The following EHHADH variants were observed in gnomAD, a reference collection of about 807,000 sequenced individuals.
EHHADH encodes the protein enoyl-CoA hydratase and 3-hydroxyacyl CoA dehydrogenase.
A neutral mutation model predicts 64.4 loss-of-function variants in EHHADH; 48 were observed. The observed-to-expected ratio is 0.75, with a 90% confidence interval of 0.59 to 0.95. The LOEUF is 0.95. Among genes scored for constraint, EHHADH ranks in the 40% least tolerant of loss-of-function variants. The pLI, the probability that EHHADH is intolerant of heterozygous loss-of-function variation, is 0.00. For synonymous variants in EHHADH, 308 were observed against 326.7 expected (o/e 0.94, Z 0.62); for missense variants, 854 against 876.6 (o/e 0.97, Z 0.33).
rs1365313154 is a variant in EHHADH at position 185,193,216 on chromosome 3, A to G, written c.1182T>C (p.Ala394=). 6.2e-7 allele frequency: 1 copy of G among 1,609,178 alleles called. No individual in the cohort carries two copies. Among genetic ancestry groups the G allele is most frequent in the East Asian group, 2.2e-5 (1 of 44,872 alleles). Residue 394 remains alanine, a synonymous_variant, in exon 7 of 7, where the codon GCT becomes GCC. Transcript: ENST00000231887. ...CTGGTTTGCACACAGCTGAGAGTTCAGCAAAGACCTGCTTCTTCAGGCTCA... is the reference window on the plus strand; with the variant it reads ...CTGGTTTGCACACAGCTGAGAGTTCGGCAAAGACCTGCTTCTTCAGGCTCA... ...EEMSLKKQVF[A]ELSAVCKPEA...
intron 6 of EHHADH, among the ~76,000 whole-genome samples, chr3:185,200,188 G>A (rs1397518835): frequency 6.6e-6 from 1 of 152,186 alleles, no homozygotes; most frequent in African/African-American, 2.4e-5. Context: ...CACTGTGGAT[G>A]AAAACAGCTT....
At position 185,251,681 on chromosome 3, in the gene EHHADH, C is replaced by T. The variant is rs139394606; in HGVS notation, c.74+2268G>A. Among the ~76,000 whole-genome samples the T allele has an allele frequency of 1.9e-3, 279 of 150,416 alleles. 1 individual carries two copies. Among genetic ancestry groups the T allele is most frequent in the African/African-American group, 6.3e-3 (256 of 40,812 alleles). ...AATCTCTCAATCAGCTAGGAGGAGA[C>T]GACTTCCCATATAAAATTAGAAATA... On this transcript the variant is annotated intron_variant, in intron 1 of 6. Transcript: ENST00000231887.
chr3:185,210,643 A>G (rs971165765), intron 5 of EHHADH, among the ~76,000 whole-genome samples: 9 of 151,970 alleles, frequency 5.9e-5, no homozygotes, highest in African/African-American at 2.2e-4. Context: ...TCAAAAAAAA[A>G]AAAAAAAAGG....
intron 5 of EHHADH, among the ~76,000 whole-genome samples, chr3:185,212,829 G>T (rs1235265272): frequency 2.0e-5 from 3 of 151,958 alleles, no homozygotes; most frequent in Non-Finnish European, 1.5e-5. Context: ...ATATCTTTAA[G>T]ACTATAGCAG....
At chr3:185,209,039 G>A (rs1052047446) in intron 5 of EHHADH, among the ~76,000 whole-genome samples, 1 of 152,186 alleles carries the variant, frequency 6.6e-6, no homozygotes, top group Non-Finnish European at 1.5e-5. Flanking sequence ...GTAGGAGTTA[G>A]TGTTAATGGG....
chr3:185,240,221 T>G (rs1719410480), intron 2 of EHHADH, among the ~76,000 whole-genome samples: 1 of 147,884 alleles, frequency 6.8e-6, no homozygotes, highest in Admixed American at 6.8e-5. Context: ...GCCTTTAGTT[T>G]TTGTTTTTTT....
chr3:185,229,568 G>C (rs1398897108), intron 3 of EHHADH, 25 bp from the exon 4 acceptor site: 2 of 1,425,424 alleles, frequency 1.4e-6, no homozygotes, highest in East Asian at 2.4e-5. Flanking sequence ...AGGCATAAAG[G>C]CCATTAGCAT....
At chr3:185,252,019 C>T (rs1719761471) in intron 1 of EHHADH, among the ~76,000 whole-genome samples, 2 of 152,160 alleles carry the variant, frequency 1.3e-5, no homozygotes, top group African/African-American at 4.8e-5. Flanking sequence ...GAGGTAGGCC[C>T]TAACATTTCT....
rs141210101 is a variant in EHHADH, at chr3:185,193,385, T to C, written c.1013A>G (p.Lys338Arg). The C allele has an allele frequency of 3.9e-5, 63 of 1,614,228 alleles. No homozygotes were observed. In the African/African-American group the frequency reaches 7.1e-4, roughly 18 times the overall value. Residue 338 changes from lysine to arginine, a missense_variant, in exon 7 of 7, where the codon AAG (lysine) becomes AGG (arginine). By Grantham distance (26) the Lys-to-Arg change is conservative (BLOSUM62 2). Transcript: ENST00000231887. Reference protein sequence around the residue: ...SDKNQLATANKMITSVLEKEA... With the variant: ...SDKNQLATANRMITSVLEKEA... ...TTTTTCCAAGACAGAGGTTATCATCTTGTTTGCAGTTGCTAGCTGGTTTTT... is the reference window on the plus strand; with the variant it reads ...TTTTTCCAAGACAGAGGTTATCATCCTGTTTGCAGTTGCTAGCTGGTTTTT...
chr3:185,205,694 C>G (rs1363086258), intron 5 of EHHADH, among the ~76,000 whole-genome samples: 1 of 152,018 alleles, frequency 6.6e-6, no homozygotes, highest in Non-Finnish European at 1.5e-5. Context: ...AATGGGAAAA[C>G]AACTTTCCTG....
chr3:185,209,164 T>C (rs905302951), intron 5 of EHHADH, among the ~76,000 whole-genome samples: 2 of 152,134 alleles, frequency 1.3e-5, no homozygotes, highest in Non-Finnish European at 2.9e-5. Flanking sequence ...TATCTAGAAA[T>C]GAATTTATCA....
chr3:185,192,124 G>A lies in EHHADH; in HGVS notation c.*102C>T, dbSNP rs1398456256. On this transcript the variant is annotated 3_prime_UTR_variant, in exon 7 of 7. Coordinates refer to ENST00000231887, the MANE Select transcript of EHHADH (RefSeq NM_001966.4). ...TTCTAATGATTATTTATTTTGCTTT[G>A]TATTTCAGAACAATCTTACTTTGGA... is the stretch of plus-strand genomic sequence containing the variant. 7.6e-7 allele frequency: 1 copy of A among 1,317,772 alleles called. No homozygotes were observed. The highest frequency in any genetic ancestry group is 1.0e-6 in the Non-Finnish European group (1 of 954,578). The allele number at this position is 1,317,772 out of a possible 1,614,324, so 81.6% of individuals were successfully genotyped here.
intron 4 of EHHADH, among the ~76,000 whole-genome samples, chr3:185,222,080 T>G (rs1258734516): frequency 6.6e-6 from 1 of 152,066 alleles, no homozygotes; most frequent in Non-Finnish European, 1.5e-5. Context: ...AGCTTTTGTC[T>G]GGGTGTAGAA....
intron 4 of EHHADH, among the ~76,000 whole-genome samples, chr3:185,221,387 G>A (rs1718828545): frequency 6.6e-6 from 1 of 151,966 alleles, no homozygotes; most frequent in African/African-American, 2.4e-5. Context: ...ACTTAAAATA[G>A]TTCACATTCT....
intron 2 of EHHADH, chr3:185,245,969 C>G: frequency 1.3e-6 from 2 of 1,494,800 alleles, no homozygotes; most frequent in Non-Finnish European, 1.9e-6. Context: ...TGTCTGATTA[C>G]TGAATGAGAT....
At chr3:185,218,539 T>C (rs1487991082) in intron 4 of EHHADH, among the ~76,000 whole-genome samples, 1 of 152,174 alleles carries the variant, frequency 6.6e-6, no homozygotes, top group East Asian at 1.9e-4. Flanking sequence ...TCAGTAATTC[T>C]GAGTATTAAG....
intron 5 of EHHADH, among the ~76,000 whole-genome samples, chr3:185,208,565 G>A (rs1248025595): frequency 1.3e-5 from 2 of 152,150 alleles, no homozygotes; most frequent in South Asian, 2.1e-4. Flanking sequence ...AGCCTCATAC[G>A]TTGCTTCTGA....
At position 185,225,030 on chromosome 3, in the gene EHHADH, G is replaced by C. The variant is rs1718937242; in HGVS notation, c.463+4402C>G. On this transcript the variant is annotated intron_variant, in intron 4 of 6. Coordinates refer to ENST00000231887, the MANE Select transcript of EHHADH (RefSeq NM_001966.4). ...GGCCAGATACCGTTTATGAAATGTG[G>C]TCTGTTTAACAGGCACTATATCAGA... Among the ~76,000 whole-genome samples the C allele has an allele frequency of 2.6e-5, 4 of 152,288 alleles. No individual in the cohort carries two copies. The South Asian group carries it at 8.3e-4, about 32-fold the overall frequency.
rs538516047 is a variant in EHHADH, at chr3:185,253,772, A to AGAAAAG, written c.74+176_74+177insCTTTTC. ...AAGCTAATCTAGGTTAAAAAAAAAA[A>AGAAAAG]AAAAGAAAAGAAAAAGAAAGAAAGA... On this transcript the variant is annotated intron_variant, in intron 1 of 6. Coordinates refer to ENST00000231887, the MANE Select transcript of EHHADH (RefSeq NM_001966.4). 1.7e-5 allele frequency: 23 copies of AGAAAAG among 1,332,564 alleles called. No individual in the cohort carries two copies. The East Asian group carries it at 5.5e-4, about 32-fold the overall frequency. The allele number at this position is 1,332,564 out of a possible 1,614,324, so 82.5% of individuals were successfully genotyped here.
Sources: allele counts gnomAD v4.1 joint callset (sites outside exome capture counted in the v4.1 genomes callset), GRCh38; gene constraint gnomAD v4.1.1; transcripts MANE v1.5; gene names NCBI Gene and HGNC (gene_info 2026-07-23, HGNC 2026-07-21).